WDR17: variants seen among roughly 807,000 people sequenced by gnomAD.
The protein encoded by WDR17 is WD repeat domain 17.
In WDR17, 143 loss-of-function variants were observed where a neutral mutation model predicts 161.7. The ratio of observed to expected loss-of-function variants is 0.88; its 90% CI spans 0.77 to 1.02. The LOEUF (loss-of-function observed/expected upper bound fraction) is 1.02. Ranked by LOEUF, WDR17 falls within the 50% of genes least tolerant of loss-of-function variation. WDR17 has a pLI of 0.00. For missense variants in WDR17, 1,469 were observed against 1,520.9 expected (o/e 0.97, Z 0.57); for synonymous variants, 517 against 515.6 (o/e 1.00, Z -0.04).
At chr4:176,150,230 A>C (rs1746900912) in intron 15 of WDR17, 57 bp downstream of exon 15, 26 of 1,589,094 alleles carry the variant, frequency 1.6e-5, no homozygotes, top group Non-Finnish European at 2.2e-5. Flanking sequence ...ATGAATCATT[A>C]CAACTATTTT....
At chr4:176,164,895 TAGTC>T (rs1230866688) in intron 22 of WDR17, among the ~76,000 whole-genome samples, 4 of 152,188 alleles carry the variant, frequency 2.6e-5, no homozygotes, top group Non-Finnish European at 5.9e-5. Context: ...AGAGCTATAA[TAGTC>T]AATTACCTAG....
At chr4:176,106,872 G>A (rs149916591) in intron 1 of WDR17, among the ~76,000 whole-genome samples, 258 of 152,236 alleles carry the variant, frequency 1.7e-3, no homozygotes, top group African/African-American at 6.0e-3. Flanking sequence ...GATCACGTGA[G>A]CCTAGGAGTT....
intron 8 of WDR17, among the ~76,000 whole-genome samples, chr4:176,136,962 C>G (rs774941755): frequency 6.6e-6 from 1 of 151,546 alleles, no homozygotes; most frequent in African/African-American, 2.4e-5. Flanking sequence ...CCTTGGCCAT[C>G]TACTACTCAC....
intron 1 of WDR17, among the ~76,000 whole-genome samples, chr4:176,066,699 GAATGAAAAGT>G (rs781630557): frequency 6.6e-6 from 1 of 151,886 alleles, no homozygotes; most frequent in African/African-American, 2.4e-5. Flanking sequence ...CAATTGATTC[GAATGAAAAGT>G]AATGAAAAGT....
At chr4:176,140,349 G>A (rs902560655) in intron 10 of WDR17, among the ~76,000 whole-genome samples, 1 of 152,008 alleles carries the variant, frequency 6.6e-6, no homozygotes, top group African/African-American at 2.4e-5. Context: ...CATATATTAA[G>A]TGCCGTAAAA....
At chr4:176,179,095 G>A (rs549390305) in intron 28 of WDR17, among the ~76,000 whole-genome samples, 234 of 152,204 alleles carry the variant, frequency 1.5e-3, no homozygotes, top group African/African-American at 5.5e-3. Flanking sequence ...GTAAAATAGT[G>A]AAATATATTT....
At chr4:176,071,683 T>A (rs1328127439) in intron 1 of WDR17, among the ~76,000 whole-genome samples, 1 of 152,208 alleles carries the variant, frequency 6.6e-6, no homozygotes, top group Non-Finnish European at 1.5e-5. Context: ...TGAATGAGCT[T>A]GTTGAAGTAG....
intron 21 of WDR17, among the ~76,000 whole-genome samples, chr4:176,162,774 T>G (rs1749218711): frequency 6.6e-6 from 1 of 152,222 alleles, no homozygotes; most frequent in Non-Finnish European, 1.5e-5. Flanking sequence ...TTTAGATATA[T>G]TTGCTTTAGG....
At chr4:176,098,033 T>C (rs1368556203) in intron 1 of WDR17, 1 of 152,008 alleles carries the variant, frequency 6.6e-6, no homozygotes, top group Admixed American at 6.6e-5. Flanking sequence ...ACTGTGAGTT[T>C]GAGCTCCTTC....
chr4:176,157,572 G>A (rs17671258), intron 18 of WDR17, among the ~76,000 whole-genome samples: 5,356 of 143,800 alleles, frequency 0.037, 127 homozygotes, highest in Middle Eastern at 0.094. Flanking sequence ...TGCTCTCACC[G>A]AATCCTTAAG....
chr4:176,177,143 C>T lies in WDR17; in HGVS notation c.3535C>T (p.Gln1179Ter), dbSNP rs1353424844. 1 of 1,613,336 alleles carries T rather than the reference C, an allele frequency of 6.2e-7. No homozygotes were observed. Among genetic ancestry groups the T allele is most frequent in the Admixed American group, 1.7e-5 (1 of 60,020 alleles). Reference sequence around the variant, plus strand: ...ATTGGATGCATGGAGAGCTTGCACACAGTCCACCAACAGGTGAGCAAATAT... The same window carrying T: ...ATTGGATGCATGGAGAGCTTGCACATAGTCCACCAACAGGTGAGCAAATAT... Reference protein sequence around the residue: ...EELDAWRACTQSTNRSLEDSP... With the variant: ...EELDAWRACT The change falls in exon 27 of 29, where the codon CAG (glutamine) becomes TAG (stop). Residue 1179 changes from glutamine to a stop codon, truncating the protein, a stop_gained. Coordinates refer to ENST00000508596, the MANE Select transcript of WDR17 (RefSeq NM_181265.4). LOFTEE classifies it high-confidence loss of function.
chr4:176,131,067 T>C (rs562803333), intron 6 of WDR17, among the ~76,000 whole-genome samples: 90 of 152,282 alleles, frequency 5.9e-4, no homozygotes, highest in Non-Finnish European at 1.3e-3. Context: ...GTGTTGTGAT[T>C]CTTAATTTAT....
At chr4:176,175,533 CTTTTATTTG>C (rs1470601512) in intron 26 of WDR17, among the ~76,000 whole-genome samples, 27 of 103,012 alleles carry the variant, frequency 2.6e-4, no homozygotes, top group Non-Finnish European at 4.2e-5. Flanking sequence ...GTTAAGCAGT[CTTTTATTTG>C]TTTGTTTGTT....
At chr4:176,177,033 G>A (rs1166649907) in intron 26 of WDR17, 25 bp from the exon 27 acceptor site, 1 of 1,558,758 alleles carries the variant, frequency 6.4e-7, no homozygotes, top group African/African-American at 1.4e-5. Flanking sequence ...GGTATCAGAT[G>A]TTAATTTCCT....
At chr4:176,107,912 C>T (rs1739033623) in intron 1 of WDR17, among the ~76,000 whole-genome samples, 1 of 137,526 alleles carries the variant, frequency 7.3e-6, no homozygotes, top group South Asian at 2.4e-4. Context: ...TCCTTCCTTC[C>T]TTTTTTCTTC....
intron 11 of WDR17, among the ~76,000 whole-genome samples, chr4:176,145,439 A>G (rs1172079453): frequency 1.3e-5 from 2 of 152,232 alleles, no homozygotes; most frequent in East Asian, 1.9e-4. Flanking sequence ...TCAAAAAGGA[A>G]TGGAAAACTG....
intron 5 of WDR17, among the ~76,000 whole-genome samples, chr4:176,127,770 T>C (rs958152891): frequency 4.6e-5 from 7 of 152,188 alleles, no homozygotes; most frequent in Non-Finnish European, 1.0e-4. Context: ...AACCCTGTAC[T>C]CATCAGCAGT....
intron 4 of WDR17, among the ~76,000 whole-genome samples, 191 bp downstream of exon 4, chr4:176,120,288 TTATATATATA>T (rs33940735): frequency 8.7e-4 from 119 of 136,528 alleles, no homozygotes; most frequent in African/African-American, 2.7e-3. Flanking sequence ...ATTTGAAGTT[TTATATATATA>T]TATATATATA....
chr4:176,136,015 G>A (rs1190474372), intron 8 of WDR17, among the ~76,000 whole-genome samples: 1 of 151,520 alleles, frequency 6.6e-6, no homozygotes, highest in East Asian at 1.9e-4. Flanking sequence ...GGGCCTCCAA[G>A]GGTTTTATAT....
Sources: allele counts gnomAD v4.1 joint callset (sites outside exome capture counted in the v4.1 genomes callset), GRCh38; gene constraint gnomAD v4.1.1; transcripts MANE v1.5; gene names NCBI Gene and HGNC (gene_info 2026-07-23, HGNC 2026-07-21).